LRRC25: variants seen among roughly 807,000 people sequenced by gnomAD.
LRRC25 encodes the protein leucine-rich repeat-containing protein 25.
In LRRC25, 5 loss-of-function variants were observed where a neutral mutation model predicts 18.8. The observed-to-expected ratio is 0.27, with a 90% confidence interval of 0.14 to 0.56. LRRC25 has a LOEUF of 0.56. Among genes scored for constraint, LRRC25 ranks in the 20% least tolerant of loss-of-function variants. The pLI is 0.93. For synonymous variants in LRRC25, 161 were observed against 176.8 expected (o/e 0.91, Z 0.71); for missense variants, 341 against 389.8 (o/e 0.87, Z 1.05).
At chr19:18,392,321 G>A (rs980306969) in intron 1 of LRRC25, among the ~76,000 whole-genome samples, 196 bp from the exon 2 acceptor site, 4 of 151,752 alleles carry the variant, frequency 2.6e-5, no homozygotes, top group Non-Finnish European at 4.4e-5. Context: ...ATGAAACCTC[G>A]TCTCTACTAA....
Position 18,391,888 on chromosome 19 carries a change from C to T in LRRC25, c.*99G>A. ...AGGACAATCCTTTCCTGTACCCATT[C>T]TTCAGATGGGGAAACTGAGGCCATG... On this transcript the variant is annotated 3_prime_UTR_variant, in exon 2 of 2. Coordinates refer to ENST00000339007, the MANE Select transcript of LRRC25 (RefSeq NM_145256.3). The T allele has an allele frequency of 7.0e-7, 1 of 1,426,260 alleles. No individual in the cohort carries two copies. Among genetic ancestry groups the T allele is most frequent in the Non-Finnish European group, 9.6e-7 (1 of 1,046,318 alleles). 88.4% of individuals were successfully genotyped at this position (1,426,260 alleles called of 1,614,324 possible). A position where few individuals can be genotyped will look rare whatever the true frequency, so the allele number is the denominator to read the frequency against.
chr19:18,392,725 C>T (rs911712322), intron 1 of LRRC25, among the ~76,000 whole-genome samples: 1 of 152,132 alleles, frequency 6.6e-6, no homozygotes, highest in Non-Finnish European at 1.5e-5. Context: ...CGCGGTGACT[C>T]ATGCCTGTAA....
rs375144869 is a variant in LRRC25 at position 18,396,139 on chromosome 19, G to A, written c.779+46C>T. On this transcript the variant is annotated intron_variant, in intron 1 of 1. Coordinates refer to ENST00000339007, the MANE Select transcript of LRRC25 (RefSeq NM_145256.3). ...TGAACCTCGGCCATCTGGGTGTGGA[G>A]CCTTATTATTCACCACTTTGGCAGG... 2.4e-5 allele frequency: 37 copies of A among 1,547,562 alleles called. No individual in the cohort carries two copies. In the Admixed American group the frequency reaches 6.7e-4, roughly 28 times the overall value.
At chr19:18,393,789 G>T (rs753629190) in intron 1 of LRRC25, among the ~76,000 whole-genome samples, 1 of 152,024 alleles carries the variant, frequency 6.6e-6, no homozygotes, top group Non-Finnish European at 1.5e-5. Context: ...TCATTTCCCT[G>T]CCTCCCAGAG....
At position 18,397,130 on chromosome 19, in the gene LRRC25, G is replaced by A; in HGVS notation, c.-167C>T. On this transcript the variant is annotated 5_prime_UTR_variant, in exon 1 of 2. Coordinates refer to ENST00000339007, the MANE Select transcript of LRRC25 (RefSeq NM_145256.3). ...GGTCGCCTCCTTTGGCTGGTGGGCT[G>A]CCTCAGTCTCCCCTTCTGGGGAATG... 1.4e-6 allele frequency: 1 copy of A among 701,432 alleles called. No individual in the cohort carries two copies. The highest frequency in any genetic ancestry group is 1.9e-5 in the South Asian group (1 of 52,238). The allele number at this position is 701,432 out of a possible 1,614,324, so 43.5% of individuals were successfully genotyped here. A position where few individuals can be genotyped will look rare whatever the true frequency, so the allele number is the denominator to read the frequency against.
In LRRC25 at chr19:18,392,082, C is replaced by T. The variant is rs750880456; in HGVS notation, c.823G>A (p.Asp275Asn). 37 of 1,614,084 alleles carry T rather than the reference C, an allele frequency of 2.3e-5. No homozygotes were observed. The highest frequency in any genetic ancestry group is 2.5e-5 in the Non-Finnish European group (29 of 1,180,010). The change falls in exon 2 of 2, where the codon GAC (aspartate) becomes AAC (asparagine). Residue 275 changes from aspartate to asparagine, a missense_variant. Asp to Asn is a conservative substitution (Grantham distance 23). Transcript: ENST00000339007. ...ACAGGCTGGGAAGCCAGGTCGATGT[C>T]CTTGTAGTTGATGTAAAAGTCATTG... ...EDNDFYINYK[D>N]IDLASQPVYC...
chr19:18,395,847 A>C (rs1248919635), intron 1 of LRRC25, among the ~76,000 whole-genome samples: 2 of 152,072 alleles, frequency 1.3e-5, no homozygotes, highest in African/African-American at 2.4e-5. Flanking sequence ...CAGCCTCCTC[A>C]GTAGCTGGAA....
rs199659888 is a variant in LRRC25 at position 18,396,558 on chromosome 19, G to A, written c.406C>T (p.Pro136Ser). 1.2e-6 allele frequency: 2 copies of A among 1,613,876 alleles called. No homozygotes were observed. The highest frequency in any genetic ancestry group is 2.2e-5 in the East Asian group (1 of 44,884). The change falls in exon 1 of 2, where the codon CCT becomes TCT. Residue 136 changes from proline (P) to serine (S), a missense_variant. Pro to Ser is a moderately conservative substitution (Grantham distance 74, BLOSUM62 -1). Coordinates refer to ENST00000339007, the MANE Select transcript of LRRC25 (RefSeq NM_145256.3). ...CTGGTTGTGTCCCAGCAGAGCAGAG[G>A]CTTCTGGCCAGAGCAGTTGTCTCGG... ...IRRDNCSGQK[P>S]LLCWDTTSSQ...
intron 1 of LRRC25, 91 bp from the exon 2 acceptor site, chr19:18,392,216 G>C: frequency 7.2e-7 from 1 of 1,381,884 alleles, no homozygotes; most frequent in Non-Finnish European, 1.0e-6. Flanking sequence ...GAGTGGGCCA[G>C]GTGCTCTGAC....
In LRRC25 at chr19:18,397,252, C is replaced by A. The variant is rs979954917; in HGVS notation, c.-289G>T. 9 of 443,478 alleles carry A rather than the reference C, an allele frequency of 2.0e-5. No individual in the cohort carries two copies. The highest frequency in any genetic ancestry group is 1.7e-4 in the African/African-American group (9 of 51,524). The allele number at this position is 443,478 out of a possible 1,614,324, so 27.5% of individuals were successfully genotyped here. ...ATGTCCTGAACATTTGGGGCGCCCT[C>A]GTTGGCCAGGACGGGACCCTATGCA... On this transcript the variant is annotated 5_prime_UTR_variant, in exon 1 of 2. Coordinates refer to ENST00000339007, the MANE Select transcript of LRRC25 (RefSeq NM_145256.3).
chr19:18,395,004 A>G (rs1372345635), intron 1 of LRRC25, among the ~76,000 whole-genome samples: 1 of 152,060 alleles, frequency 6.6e-6, no homozygotes, highest in African/African-American at 2.4e-5. Context: ...ACTTGAGGCC[A>G]GGAGCTTGAG....
In LRRC25 at chr19:18,396,938, A is replaced by G. The variant is rs1267883659; in HGVS notation, c.26T>C (p.Leu9Pro). 6.2e-7 allele frequency: 1 copy of G among 1,610,488 alleles called. No individual in the cohort carries two copies. The highest frequency in any genetic ancestry group is 1.7e-5 in the Admixed American group (1 of 59,994). ...CTCCCGCAGCAGCAGCGGCAACAGCAGCGTCCATGCCAGGGTGCCCCCCAT... is the reference window on the plus strand; with the variant it reads ...CTCCCGCAGCAGCAGCGGCAACAGCGGCGTCCATGCCAGGGTGCCCCCCAT... MGGTLAWTLLLPLLLRESD... is the reference protein window; with the variant it reads MGGTLAWTPLLPLLLRESD... The change falls in exon 1 of 2, where the codon CTG becomes CCG. Residue 9 changes from leucine (L) to proline (P), a missense_variant. By Grantham distance (98) the Leu-to-Pro change is moderately conservative (BLOSUM62 -3). Coordinates refer to ENST00000339007, the MANE Select transcript of LRRC25 (RefSeq NM_145256.3).
At position 18,396,351 on chromosome 19, in the gene LRRC25, A is replaced by G. The variant is rs1361392310; in HGVS notation, c.613T>C (p.Trp205Arg). The G allele has an allele frequency of 3.1e-6, 5 of 1,613,828 alleles. No individual in the cohort carries two copies. Among genetic ancestry groups the G allele is most frequent in the South Asian group, 2.2e-5 (2 of 91,084 alleles). Residue 205 changes from tryptophan (W) to arginine (R), a missense_variant, in exon 1 of 2, where the codon TGG (tryptophan) becomes CGG (arginine). Coordinates refer to ENST00000339007, the MANE Select transcript of LRRC25 (RefSeq NM_145256.3). ...VARSRELNKP[W>R]AAQDGPKPGL... The stretch of plus-strand genomic sequence containing the variant: ...GGCTTGGGCCCATCCTGAGCAGCCC[A>G]GGGTTTGTTCAGCTCCCGGCTTCTG...
Position 18,391,943 on chromosome 19 carries a change from C to T in LRRC25, c.*44G>A. On this transcript the variant is annotated 3_prime_UTR_variant, in exon 2 of 2. Transcript: ENST00000339007. ...CGTTAGGACGCCCTGAGTCACCCAGCAGGGACTGAAGGGGTTCTGGGTGGA... is the reference window on the plus strand; with the variant it reads ...CGTTAGGACGCCCTGAGTCACCCAGTAGGGACTGAAGGGGTTCTGGGTGGA... 6.3e-7 allele frequency: 1 copy of T among 1,594,106 alleles called. No homozygotes were observed.
In LRRC25 at chr19:18,392,133, G is replaced by A. The variant is rs368591379; in HGVS notation, c.780-8C>T. ...TCCTCTGAAGGGTGAGCCCTGGGGG[G>A]ACAGACAGACCAGGGGTAAGTGTGG... is the stretch of plus-strand genomic sequence containing the variant. On this transcript the variant is annotated splice_region_variant and splice_polypyrimidine_tract_variant and intron_variant, in intron 1 of 1. Coordinates refer to ENST00000339007, the MANE Select transcript of LRRC25 (RefSeq NM_145256.3). 1.3e-5 allele frequency: 21 copies of A among 1,613,070 alleles called. No homozygotes were observed. The African/African-American group carries it at 2.8e-4, about 22-fold the overall frequency.
chr19:18,396,330 T>C lies in LRRC25; in HGVS notation c.634A>G (p.Lys212Glu). ...NKPWAAQDGP[K>E]PGLGLQPRYG... ...CGTGGCTGCAAGCCTAAACCGGGCT[T>C]GGGCCCATCCTGAGCAGCCCAGGGT... Residue 212 changes from lysine (K) to glutamate (E), a missense_variant, in exon 1 of 2, where the codon AAG becomes GAG. By Grantham distance (56) the Lys-to-Glu change is moderately conservative (BLOSUM62 1). Coordinates refer to ENST00000339007, the MANE Select transcript of LRRC25 (RefSeq NM_145256.3). 6.2e-7 allele frequency: 1 copy of C among 1,613,960 alleles called. No individual in the cohort carries two copies. Among genetic ancestry groups the C allele is most frequent in the Non-Finnish European group, 8.5e-7 (1 of 1,180,010 alleles).
chr19:18,393,076 A>G (rs1402841076), intron 1 of LRRC25, among the ~76,000 whole-genome samples: 1 of 152,226 alleles, frequency 6.6e-6, no homozygotes, highest in Non-Finnish European at 1.5e-5. Flanking sequence ...AGCTCTGGCC[A>G]CGTCAGTCAC....
chr19:18,394,828 A>G (rs1312983747), intron 1 of LRRC25, among the ~76,000 whole-genome samples: 1 of 152,230 alleles, frequency 6.6e-6, no homozygotes, highest in Non-Finnish European at 1.5e-5. Context: ...CCATAATGCC[A>G]GCACTTTGGG....
At chr19:18,392,740 A>G (rs1971917996) in intron 1 of LRRC25, among the ~76,000 whole-genome samples, 1 of 152,200 alleles carries the variant, frequency 6.6e-6, no homozygotes, top group Non-Finnish European at 1.5e-5. Flanking sequence ...CTGTAATCCC[A>G]GCACTTTGGG....
Sources: allele counts gnomAD v4.1 joint callset (sites outside exome capture counted in the v4.1 genomes callset), GRCh38; gene constraint gnomAD v4.1.1; transcripts MANE v1.5; gene names NCBI Gene and HGNC (gene_info 2026-07-23, HGNC 2026-07-21).